The following LRP2 variants were observed in gnomAD, a reference collection of about 807,000 sequenced individuals.
The protein encoded by LRP2 is low-density lipoprotein receptor-related protein 2.
A neutral mutation model predicts 531.0 loss-of-function variants in LRP2; 172 were observed. The ratio of observed to expected loss-of-function variants is 0.32; its 90% CI spans 0.29 to 0.37. LRP2 has a LOEUF of 0.37. Among genes scored for constraint, LRP2 ranks in the 10% least tolerant of loss-of-function variants. The pLI is 1.00. For missense variants in LRP2, 5,167 were observed against 5,868.3 expected, an observed-to-expected ratio of 0.88 and a Z score of 3.90; for synonymous variants, 1,992 against 2,027.6, an observed-to-expected ratio of 0.98 and a Z score of 0.47.
At chr2:169,169,645 A>C in intron 60 of LRP2, 57 bp downstream of exon 60, 1 of 1,366,406 alleles carries the variant, frequency 7.3e-7, no homozygotes, top group Non-Finnish European at 1.0e-6. Context: ...CTGATGTCTA[A>C]ACTATCATAT....
intron 4 of LRP2, among the ~76,000 whole-genome samples, chr2:169,302,137 T>C (rs533678685): frequency 6.6e-6 from 1 of 151,624 alleles, no homozygotes; most frequent in South Asian, 2.1e-4. Flanking sequence ...TAAAGTGTCA[T>C]GTCTCATGAA....
chr2:169,321,549 G>T (rs373246526), intron 1 of LRP2, among the ~76,000 whole-genome samples: 1 of 150,658 alleles, frequency 6.6e-6, no homozygotes, highest in East Asian at 2.0e-4. Flanking sequence ...TCATTTGCTT[G>T]ACTATACTTT....
intron 4 of LRP2, among the ~76,000 whole-genome samples, chr2:169,303,178 T>C (rs1387052965): frequency 6.6e-6 from 1 of 152,158 alleles, no homozygotes. Flanking sequence ...CATGCTTCTT[T>C]TGTATATGTT....
At chr2:169,233,388 G>A in intron 30 of LRP2, 23 bp downstream of exon 30, 1 of 1,613,834 alleles carries the variant, frequency 6.2e-7, no homozygotes, top group Non-Finnish European at 8.5e-7. Flanking sequence ...CTCCCAGGCA[G>A]GATGTTTCTC....
In LRP2 at chr2:169,133,169, T is replaced by C. The variant is rs1685354606; in HGVS notation, c.13621-488A>G. On this transcript the variant is annotated intron_variant, in intron 76 of 78. Coordinates refer to ENST00000649046, the MANE Select transcript of LRP2 (RefSeq NM_004525.3). ...TTCGGAAATTAAGATTTCATAGTACTACTAAAAAGAGGTTGAATTTTTGAA... is the reference window on the plus strand; with the variant it reads ...TTCGGAAATTAAGATTTCATAGTACCACTAAAAAGAGGTTGAATTTTTGAA... Among the ~76,000 whole-genome samples the C allele has an allele frequency of 3.3e-5, 5 of 152,268 alleles. No individual in the cohort carries two copies. In the South Asian group the frequency reaches 1.0e-3, roughly 31 times the overall value.
chr2:169,134,000 T>A (rs113883444), intron 76 of LRP2, among the ~76,000 whole-genome samples: 21,544 of 152,108 alleles, frequency 0.14, 2,306 homozygotes, highest in African/African-American at 0.31. Flanking sequence ...AAAACACACA[T>A]GCTCTCCCTG....
rs79940650 is a variant in LRP2 at position 169,272,779 on chromosome 2, T to C, written c.2116+148A>G. The C allele has an allele frequency of 9.1e-3, 8,408 of 923,918 alleles. 426 individuals carry two copies. The African/African-American group carries it at 0.12, about 13-fold the overall frequency. 57.2% of individuals were successfully genotyped at this position (923,918 alleles called of 1,614,324 possible). A position where few individuals can be genotyped will look rare whatever the true frequency, so the allele number is the denominator to read the frequency against. ...TAGAAGTGGTGCCTACCAAGGAAGATGCCCTGTGGGCTACAGAAAGCTTAT... is the reference window on the plus strand; with the variant it reads ...TAGAAGTGGTGCCTACCAAGGAAGACGCCCTGTGGGCTACAGAAAGCTTAT... On this transcript the variant is annotated intron_variant, in intron 15 of 78. Transcript: ENST00000649046.
intron 1 of LRP2, among the ~76,000 whole-genome samples, chr2:169,326,370 C>A (rs1241890206): frequency 6.6e-6 from 1 of 151,894 alleles, no homozygotes; most frequent in Non-Finnish European, 1.5e-5. Flanking sequence ...CGCGCGCCAC[C>A]ACGCCTGACT....
intron 1 of LRP2, among the ~76,000 whole-genome samples, chr2:169,323,264 T>C (rs1207048119): frequency 6.6e-6 from 1 of 152,200 alleles, no homozygotes; most frequent in African/African-American, 2.4e-5. Context: ...ACCTTTTCAG[T>C]AGTAACTTCG....
intron 37 of LRP2, among the ~76,000 whole-genome samples, chr2:169,210,286 T>G (rs888458472): frequency 1.3e-5 from 2 of 152,084 alleles, no homozygotes; most frequent in Non-Finnish European, 2.9e-5. Flanking sequence ...TGTGATTGCA[T>G]AGATTCCACC....
chr2:169,346,232 G>A (rs1685694256), intron 1 of LRP2, among the ~76,000 whole-genome samples: 1 of 152,168 alleles, frequency 6.6e-6, no homozygotes, highest in Non-Finnish European at 1.5e-5. Flanking sequence ...TCTCTCGTCT[G>A]CACTGTTGGG....
chr2:169,238,868 T>C (rs1574167124), intron 26 of LRP2, among the ~76,000 whole-genome samples: 1 of 152,172 alleles, frequency 6.6e-6, no homozygotes, highest in East Asian at 1.9e-4. Flanking sequence ...ACCAATAGGA[T>C]GTGAGTAGAA....
At chr2:169,236,920 T>C (rs1689626553) in intron 28 of LRP2, among the ~76,000 whole-genome samples, 183 bp downstream of exon 28, 1 of 152,214 alleles carries the variant, frequency 6.6e-6, no homozygotes, top group Non-Finnish European at 1.5e-5. Context: ...ATGTACTTTA[T>C]GAAGAGGATG....
chr2:169,355,663 G>C (rs1002732034), intron 1 of LRP2, among the ~76,000 whole-genome samples: 26 of 152,300 alleles, frequency 1.7e-4, no homozygotes, highest in African/African-American at 6.3e-4. Flanking sequence ...CTGATAGGAG[G>C]TGGCTCCAGA....
intron 16 of LRP2, among the ~76,000 whole-genome samples, chr2:169,268,348 A>G (rs1238199204): frequency 6.6e-6 from 1 of 152,212 alleles, no homozygotes; most frequent in Non-Finnish European, 1.5e-5. Context: ...CATTGATGCA[A>G]AAATCCTCAA....
intron 10 of LRP2, among the ~76,000 whole-genome samples, chr2:169,281,290 C>CGGGGGCCTGTTT (rs1480622458): frequency 1.3e-5 from 2 of 152,068 alleles, no homozygotes; most frequent in Non-Finnish European, 2.9e-5. Context: ...GGCATGGTGG[C>CGGGGGCCTGTTT]GGGGGCCTGT....
rs1193857046 is a variant in LRP2 at position 169,132,564 on chromosome 2, C to T, written c.13728+10G>A. On this transcript the variant is annotated intron_variant, in intron 77 of 78. Transcript: ENST00000649046. ...AATCCCACATTATTTCAGGAGTCGG[C>T]AACTGTTACCTGAGTTCCATCAGCA... 2 of 1,533,306 alleles carry T rather than the reference C, an allele frequency of 1.3e-6. No homozygotes were observed. The highest frequency in any genetic ancestry group is 1.8e-6 in the Non-Finnish European group (2 of 1,106,350). 95.0% of individuals were successfully genotyped at this position (1,533,306 alleles called of 1,614,324 possible).
intron 19 of LRP2, 61 bp downstream of exon 19, chr2:169,256,045 T>C: frequency 6.4e-7 from 1 of 1,564,066 alleles, no homozygotes; most frequent in Non-Finnish European, 8.8e-7. Flanking sequence ...TGAGGATGAG[T>C]TTACTATTGT....
intron 1 of LRP2, among the ~76,000 whole-genome samples, chr2:169,361,720 A>G (rs1415838657): frequency 1.3e-5 from 2 of 152,202 alleles, no homozygotes; most frequent in Non-Finnish European, 2.9e-5. Context: ...AACTTCAAGA[A>G]AAGACTCCAG....
Sources: gnomAD v4.1 joint callset for allele counts (sites outside exome capture counted in the v4.1 genomes callset) on GRCh38, gnomAD v4.1.1 for gene constraint, MANE v1.5 for transcripts, NCBI Gene and HGNC (gene_info 2026-07-23, HGNC 2026-07-21) for gene names.